NKD1: variants seen among roughly 807,000 people sequenced by gnomAD.
NKD1 encodes the protein protein naked cuticle homolog 1.
A neutral mutation model predicts 56.0 loss-of-function variants in NKD1; 21 were observed. The ratio of observed to expected loss-of-function variants is 0.38; its 90% CI spans 0.27 to 0.54. NKD1 has a LOEUF of 0.54. Among genes scored for constraint, NKD1 ranks in the 20% least tolerant of loss-of-function variants. The pLI, the probability that NKD1 is intolerant of heterozygous loss-of-function variation, is 0.82. For synonymous variants in NKD1, 263 were observed against 265.7 expected (o/e 0.99, Z 0.10); for missense variants, 578 against 642.7 (o/e 0.90, Z 1.09).
chr16:50,622,845 C>T (rs141041422), intron 5 of NKD1, among the ~76,000 whole-genome samples: 25 of 151,582 alleles, frequency 1.6e-4, no homozygotes, highest in South Asian at 8.4e-4. Context: ...GACAGTTGAG[C>T]GCCCCAAACC....
intron 3 of NKD1, among the ~76,000 whole-genome samples, chr16:50,601,777 A>G (rs1961602405): frequency 6.6e-6 from 1 of 152,158 alleles, no homozygotes; most frequent in Non-Finnish European, 1.5e-5. Flanking sequence ...AGGGGTCTTC[A>G]GGGGAGTGGC....
chr16:50,618,885 C>T (rs987487661), intron 4 of NKD1, among the ~76,000 whole-genome samples: 2 of 152,140 alleles, frequency 1.3e-5, no homozygotes, highest in African/African-American at 4.8e-5. Flanking sequence ...GGATGTTTTC[C>T]AGCCCCTTCA....
At chr16:50,556,520 C>G (rs1567333240) in intron 3 of NKD1, 1 of 152,404 alleles carries the variant, frequency 6.6e-6, no homozygotes, top group African/African-American at 2.4e-5. Context: ...CTTTGCTTTC[C>G]TTACTTGTTA....
intron 3 of NKD1, among the ~76,000 whole-genome samples, chr16:50,583,488 A>T (rs1961163009): frequency 6.6e-6 from 1 of 152,186 alleles, no homozygotes; most frequent in Admixed American, 6.5e-5. Context: ...TGATGACAGC[A>T]GCCCCAGCCT....
intron 3 of NKD1, among the ~76,000 whole-genome samples, chr16:50,573,241 G>A (rs1960921837): frequency 6.6e-6 from 1 of 152,164 alleles, no homozygotes; most frequent in South Asian, 2.1e-4. Context: ...TCTACCTTCA[G>A]CACCACACAA....
At position 50,636,038 on chromosome 16, in the gene NKD1, CATAAGA is replaced by C. The variant is rs1221984065; in HGVS notation, c.*2259_*2264del. The C allele has an allele frequency of 6.6e-6, 1 of 152,152 alleles. No homozygotes were observed. The highest frequency in any genetic ancestry group is 6.5e-5 in the Admixed American group (1 of 15,286). 9.4% of individuals were successfully genotyped at this position (152,152 alleles called of 1,614,324 possible). On this transcript the variant is annotated 3_prime_UTR_variant, in exon 10 of 10. Coordinates refer to ENST00000268459, the MANE Select transcript of NKD1 (RefSeq NM_033119.5). ...CTGCTGGCCTTCTGGGTCCCCTAAC[CATAAGA>C]AAAAGGACCTTCCGTTAGTGTAAAG...
chr16:50,570,559 T>C (rs1427512137), intron 3 of NKD1, among the ~76,000 whole-genome samples: 1 of 152,250 alleles, frequency 6.6e-6, no homozygotes, highest in Non-Finnish European at 1.5e-5. Context: ...TTAACCTCTC[T>C]GTGTCTCTGT....
In NKD1 at chr16:50,633,109, G is replaced by A. The variant is rs1279698362; in HGVS notation, c.824-83G>A. On this transcript the variant is annotated intron_variant, in intron 9 of 9. Coordinates refer to ENST00000268459, the MANE Select transcript of NKD1 (RefSeq NM_033119.5). This position sits in a 1 kb window ranked among gnomAD's most constrained non-coding sequence, Gnocchi z 4.9. ...GGGTAGCTCTGGTTTTGGAGAACTGGGGGCGGGGGTGATGTCTGGGGTATA... is the reference window on the plus strand; with the variant it reads ...GGGTAGCTCTGGTTTTGGAGAACTGAGGGCGGGGGTGATGTCTGGGGTATA... 7.7e-7 allele frequency: 1 copy of A among 1,294,094 alleles called. No individual in the cohort carries two copies. Among genetic ancestry groups the A allele is most frequent in the African/African-American group, 1.5e-5 (1 of 65,916 alleles). The allele number at this position is 1,294,094 out of a possible 1,614,324, so 80.2% of individuals were successfully genotyped here. A position where few individuals can be genotyped will look rare whatever the true frequency, so the allele number is the denominator to read the frequency against.
At chr16:50,557,065 T>C (rs1960519496) in intron 3 of NKD1, 1 of 152,098 alleles carries the variant, frequency 6.6e-6, no homozygotes, top group Admixed American at 6.5e-5. Context: ...CCCTCATGTC[T>C]CTTGGAGTGG....
rs1567342383 is a variant in NKD1, at chr16:50,589,689, TTTCTTTTCTCTTCTCTTCTC to T, written c.193-18600_193-18581del. On this transcript the variant is annotated intron_variant, in intron 3 of 9. Transcript: ENST00000268459. ...TGGAGGCCTTTGCTGAATGCTTTCTTTTCTTTTCTCTTCTCTTCTCTTCTCTTCTCTTCTCTTCTCTTCTC... is the reference window on the plus strand; with the variant it reads ...TGGAGGCCTTTGCTGAATGCTTTCTTTTCTCTTCTCTTCTCTTCTCTTCTC... 1.6e-4 allele frequency among the ~76,000 whole-genome samples: 23 copies of T among 147,212 alleles called. No homozygotes were observed. In the East Asian group the frequency reaches 3.0e-3, roughly 19 times the overall value.
chr16:50,596,565 A>T (rs758436187), intron 3 of NKD1, among the ~76,000 whole-genome samples: 7 of 152,374 alleles, frequency 4.6e-5, no homozygotes, highest in Non-Finnish European at 7.3e-5. Context: ...AATGTTAGGA[A>T]ATGTAATCAC....
intron 3 of NKD1, chr16:50,574,935 T>A: frequency 4.1e-6 from 4 of 984,846 alleles, no homozygotes; most frequent in Non-Finnish European, 4.8e-6. Context: ...TTTTTCCTTT[T>A]CCCTTTAAAC....
intron 4 of NKD1, among the ~76,000 whole-genome samples, chr16:50,617,112 C>T (rs956506799): frequency 2.0e-5 from 3 of 152,216 alleles, no homozygotes; most frequent in Admixed American, 6.5e-5. Context: ...CCCTGGGTCA[C>T]TGCCATTTGC....
chr16:50,594,716 C>CT (rs1279342925), intron 3 of NKD1, among the ~76,000 whole-genome samples: 2 of 152,102 alleles, frequency 1.3e-5, no homozygotes. Flanking sequence ...CGGCAGTTCT[C>CT]TGAGTCTGCA....
intron 3 of NKD1, among the ~76,000 whole-genome samples, chr16:50,553,152 C>T (rs1025139150): frequency 6.6e-6 from 1 of 152,174 alleles, no homozygotes; most frequent in Admixed American, 6.5e-5. Context: ...ATTGGAAACA[C>T]TGGGTGTGGA....
At chr16:50,600,493 C>T (rs1961571153) in intron 3 of NKD1, among the ~76,000 whole-genome samples, 1 of 151,920 alleles carries the variant, frequency 6.6e-6, no homozygotes, top group African/African-American at 2.4e-5. Context: ...CCAAGGCCCC[C>T]AACACCTGTG....
chr16:50,548,427 GT>G lies in NKD1; in HGVS notation c.-126del. 5.1e-6 allele frequency: 2 copies of G among 393,010 alleles called. No individual in the cohort carries two copies. The highest frequency in any genetic ancestry group is 7.3e-6 in the Non-Finnish European group (2 of 272,592). The allele number at this position is 393,010 out of a possible 1,614,324, so 24.3% of individuals were successfully genotyped here. A position where few individuals can be genotyped will look rare whatever the true frequency, so the allele number is the denominator to read the frequency against. The stretch of plus-strand genomic sequence containing the variant: ...GCCGCGGCGACGGCGGCAGGAGCGC[GT>G]CCCGGCGCCGCCTCGGGCTCCGCTC... On this transcript the variant is annotated 5_prime_UTR_variant, in exon 1 of 10. Transcript: ENST00000268459.
At chr16:50,561,172 A>C (rs985862902) in intron 3 of NKD1, among the ~76,000 whole-genome samples, 1 of 152,094 alleles carries the variant, frequency 6.6e-6, no homozygotes, top group Non-Finnish European at 1.5e-5. Flanking sequence ...GGGGGGGCCC[A>C]TGGCTTCTCC....
intron 3 of NKD1, among the ~76,000 whole-genome samples, chr16:50,563,029 G>A (rs996647591): frequency 1.5e-5 from 2 of 137,796 alleles, no homozygotes; most frequent in African/African-American, 5.5e-5. Flanking sequence ...AGGGGCTGTA[G>A]AAGTGACCTC....
Sources: gnomAD v4.1 joint callset for allele counts (sites outside exome capture counted in the v4.1 genomes callset) on GRCh38, gnomAD v4.1.1 for gene constraint, Gnocchi (gnomAD v3.1) non-coding constraint, MANE v1.5 for transcripts, NCBI Gene and HGNC (gene_info 2026-07-23, HGNC 2026-07-21) for gene names.